The following DIP2B variants were observed in gnomAD, a reference collection of about 807,000 sequenced individuals.
The protein encoded by DIP2B is DIP2 acetate--CoA ligase B (putative), also known as disco-interacting protein 2 homolog B.
A neutral mutation model predicts 198.0 loss-of-function variants in DIP2B; 76 were observed. The observed-to-expected ratio is 0.38, with a 90% CI of 0.32 to 0.46. DIP2B has a LOEUF of 0.46. DIP2B is among the 20% of genes least tolerant of loss of function. The pLI is 0.99. For synonymous variants in DIP2B, 701 were observed against 739.1 expected (o/e 0.95, Z 0.84); for missense variants, 1,559 against 1,978.4 (o/e 0.79, Z 4.02).
intron 7 of DIP2B, among the ~76,000 whole-genome samples, chr12:50,677,032 A>G (rs1938958263): frequency 1.3e-5 from 2 of 152,210 alleles, no homozygotes; most frequent in Non-Finnish European, 2.9e-5. Flanking sequence ...CAGATTTGTC[A>G]TTGAGCTATA....
intron 1 of DIP2B, among the ~76,000 whole-genome samples, chr12:50,537,516 G>T (rs944815625): frequency 1.3e-5 from 2 of 152,052 alleles, no homozygotes; most frequent in African/African-American, 4.8e-5. Flanking sequence ...ACATGTTGGA[G>T]TCTATGACAA....
chr12:50,566,566 T>A (rs114681417), intron 1 of DIP2B, among the ~76,000 whole-genome samples: 2,031 of 152,314 alleles, frequency 0.013, 51 homozygotes, highest in African/African-American at 0.046. Context: ...ATAATTTGTT[T>A]TCTTCTTTCC....
At chr12:50,676,023 C>T (rs111615009) in intron 7 of DIP2B, among the ~76,000 whole-genome samples, 20 of 152,250 alleles carry the variant, frequency 1.3e-4, no homozygotes, top group African/African-American at 4.8e-4. Context: ...ATAGGCACTT[C>T]TGAGAAGGGA....
At chr12:50,673,845 G>A (rs1244029135) in intron 5 of DIP2B, among the ~76,000 whole-genome samples, 1 of 152,158 alleles carries the variant, frequency 6.6e-6, no homozygotes, top group Non-Finnish European at 1.5e-5. Flanking sequence ...GTCTCTACCT[G>A]GAGCAAAGGA....
intron 1 of DIP2B, among the ~76,000 whole-genome samples, chr12:50,530,520 A>G (rs1958207383): frequency 6.6e-6 from 1 of 152,236 alleles, no homozygotes; most frequent in South Asian, 2.1e-4. Context: ...GAATAGTTTC[A>G]GGTTGCTGTG....
chr12:50,513,475 G>A (rs139166009), intron 1 of DIP2B, among the ~76,000 whole-genome samples: 2,744 of 152,278 alleles, frequency 0.018, 45 homozygotes, highest in Middle Eastern at 0.088. Context: ...CTATGAAAAG[G>A]GACATATGGA....
chr12:50,511,922 TG>T (rs1156904854), intron 1 of DIP2B, among the ~76,000 whole-genome samples: 7 of 113,412 alleles, frequency 6.2e-5, no homozygotes, highest in African/African-American at 2.4e-4. Context: ...CACTCCAGCC[TG>T]GCAACAGAGC....
intron 1 of DIP2B, among the ~76,000 whole-genome samples, chr12:50,616,798 A>T (rs994691519): frequency 1.3e-5 from 2 of 152,246 alleles, no homozygotes; most frequent in African/African-American, 4.8e-5. Flanking sequence ...TGGAATTATC[A>T]TTATGAAGAG....
At chr12:50,676,231 G>A (rs1938943443) in intron 7 of DIP2B, among the ~76,000 whole-genome samples, 1 of 152,184 alleles carries the variant, frequency 6.6e-6, no homozygotes, top group Admixed American at 6.5e-5. Context: ...TAGACAAATA[G>A]ATCTACCTAA....
Position 50,743,200 on chromosome 12 carries a change from A to G in DIP2B, c.4479-1387A>G, listed in dbSNP as rs778669272. ...TGGGTTCAAGCGATTCTTCTGCCTC[A>G]GCCTCCCGGGTAGCTGGGACTACAG... On this transcript the variant is annotated intron_variant, in intron 37 of 37. Transcript: ENST00000301180. Among the ~76,000 whole-genome samples, 79 of 152,094 alleles carry G rather than the reference A, an allele frequency of 5.2e-4. No homozygotes were observed. In the Middle Eastern group the frequency reaches 0.017, roughly 33 times the overall value.
chr12:50,635,948 A>G (rs1938152363), intron 2 of DIP2B, among the ~76,000 whole-genome samples: 1 of 152,210 alleles, frequency 6.6e-6, no homozygotes, highest in Admixed American at 6.5e-5. Context: ...TAATTAAAAT[A>G]CTAAATGCTT....
At chr12:50,566,755 G>A (rs767754381) in intron 1 of DIP2B, among the ~76,000 whole-genome samples, 5 of 152,058 alleles carry the variant, frequency 3.3e-5, no homozygotes, top group African/African-American at 4.8e-5. Context: ...AGATCACAAG[G>A]TCAGGAGATC....
chr12:50,698,221 G>A, intron 17 of DIP2B, 107 bp from the exon 18 acceptor site: 1 of 1,386,030 alleles, frequency 7.2e-7, no homozygotes, highest in Non-Finnish European at 9.7e-7. Context: ...AGAGAAAATG[G>A]AGAATTTTTT....
chr12:50,666,296 A>G (rs932810607), intron 4 of DIP2B, among the ~76,000 whole-genome samples: 5 of 152,106 alleles, frequency 3.3e-5, no homozygotes, highest in African/African-American at 1.2e-4. Context: ...CTTAACATAT[A>G]TTTTTTTCAT....
intron 1 of DIP2B, among the ~76,000 whole-genome samples, chr12:50,589,902 T>C (rs1239508249): frequency 1.3e-5 from 2 of 152,220 alleles, no homozygotes; most frequent in Non-Finnish European, 2.9e-5. Flanking sequence ...TCCAAGATCC[T>C]CTTACTGCTT....
Position 50,520,287 on chromosome 12 carries a change from C to T in DIP2B, c.100+15047C>T, listed in dbSNP as rs190509679. Among the ~76,000 whole-genome samples, 27 of 152,138 alleles carry T rather than the reference C, an allele frequency of 1.8e-4. No individual in the cohort carries two copies. The East Asian group carries it at 4.4e-3, about 25-fold the overall frequency. On this transcript the variant is annotated intron_variant, in intron 1 of 37. Coordinates refer to ENST00000301180, the MANE Select transcript of DIP2B (RefSeq NM_173602.3). ...TCGTGACCTCGTGATCTGCCCGCCT[C>T]GGCCTTCCAAAGTGCGGGGACTACA...
At chr12:50,723,098 C>T in intron 26 of DIP2B, 104 bp from the exon 27 acceptor site, 1 of 1,421,426 alleles carries the variant, frequency 7.0e-7, no homozygotes, top group East Asian at 2.4e-5. Flanking sequence ...GTCTACAGAA[C>T]CTGTCTGGCA....
At chr12:50,544,753 G>C (rs1958360933) in intron 1 of DIP2B, among the ~76,000 whole-genome samples, 1 of 151,932 alleles carries the variant, frequency 6.6e-6, no homozygotes, top group Non-Finnish European at 1.5e-5. Context: ...GAGTAGTTGG[G>C]ACTACAGGTG....
chr12:50,587,984 T>A (rs77725406), intron 1 of DIP2B, among the ~76,000 whole-genome samples: 3 of 152,180 alleles, frequency 2.0e-5, no homozygotes, highest in African/African-American at 7.2e-5. Context: ...TATAAAAATA[T>A]ATAGGCTTAG....
Sources: gnomAD v4.1 joint callset for allele counts (sites outside exome capture counted in the v4.1 genomes callset) on GRCh38, gnomAD v4.1.1 for gene constraint, MANE v1.5 for transcripts, NCBI Gene and HGNC (gene_info 2026-07-23, HGNC 2026-07-21) for gene names.